The following OSBPL6 variants were observed in gnomAD, a reference collection of about 807,000 sequenced individuals.
OSBPL6 encodes the protein oxysterol binding protein like 6.
Under a neutral mutation model 125.8 loss-of-function variants are expected in OSBPL6, and 49 were observed. The ratio of observed to expected loss-of-function variants is 0.39; its 90% CI spans 0.31 to 0.49. OSBPL6 has a LOEUF of 0.49. Among genes scored for constraint, OSBPL6 ranks in the 20% least tolerant of loss-of-function variants. OSBPL6 has a pLI of 0.88. For synonymous variants in OSBPL6, 394 were observed against 391.8 expected (o/e 1.01, Z -0.07); for missense variants, 986 against 1,135.4 (o/e 0.87, Z 1.89).
intron 1 of OSBPL6, among the ~76,000 whole-genome samples, chr2:178,198,995 G>A (rs1387631820): frequency 6.6e-6 from 1 of 152,064 alleles, no homozygotes; most frequent in Admixed American, 6.5e-5. Flanking sequence ...GTATATTGTT[G>A]GTGTTTAGTG....
At chr2:178,242,670 C>T (rs1469138766) in intron 1 of OSBPL6, among the ~76,000 whole-genome samples, 1 of 152,162 alleles carries the variant, frequency 6.6e-6, no homozygotes, top group Non-Finnish European at 1.5e-5. Flanking sequence ...TCCCTTATAA[C>T]CTGCAGCTGA....
At chr2:178,334,617 C>T (rs1411983940) in intron 8 of OSBPL6, among the ~76,000 whole-genome samples, 3 of 152,144 alleles carry the variant, frequency 2.0e-5, no homozygotes, top group Non-Finnish European at 2.9e-5. Context: ...CAACCTCCTC[C>T]TCCTGAATTC....
chr2:178,251,049 G>A (rs1031067719), intron 1 of OSBPL6, among the ~76,000 whole-genome samples: 1 of 152,148 alleles, frequency 6.6e-6, no homozygotes, highest in Non-Finnish European at 1.5e-5. Context: ...CTGTCCAGAA[G>A]AGTGAGTGTG....
At chr2:178,380,621 T>C (rs1694384414) in intron 15 of OSBPL6, among the ~76,000 whole-genome samples, 2 of 152,106 alleles carry the variant, frequency 1.3e-5, no homozygotes, top group Admixed American at 6.6e-5. Context: ...AGGAGAGCAA[T>C]TTGGCAACAT....
intron 2 of OSBPL6, among the ~76,000 whole-genome samples, chr2:178,293,612 C>T (rs1036872582): frequency 2.6e-5 from 4 of 152,050 alleles, no homozygotes; most frequent in Non-Finnish European, 5.9e-5. Context: ...GTATTTATCC[C>T]TCAATCATGT....
chr2:178,208,507 C>CT (rs2089659494), intron 1 of OSBPL6, among the ~76,000 whole-genome samples: 3 of 152,110 alleles, frequency 2.0e-5, no homozygotes, highest in Non-Finnish European at 4.4e-5. Context: ...TTTCAAAATA[C>CT]TTATTTGCTT....
chr2:178,354,578 G>T (rs1375622812), intron 12 of OSBPL6, among the ~76,000 whole-genome samples: 1 of 152,046 alleles, frequency 6.6e-6, no homozygotes, highest in East Asian at 1.9e-4. Context: ...GAGCACCCAG[G>T]TTCACAAGGC....
chr2:178,292,448 G>T lies in OSBPL6; in HGVS notation c.-156+7327G>T, dbSNP rs576435983. On this transcript the variant is annotated intron_variant, in intron 2 of 24. Transcript: ENST00000190611. The stretch of plus-strand genomic sequence containing the variant: ...TCTAAACTTTGCTCTTGGAAGAAAT[G>T]ACTACAAAGATGAAGGAAAAACACA... 3.3e-5 allele frequency among the ~76,000 whole-genome samples: 5 copies of T among 152,234 alleles called. No individual in the cohort carries two copies. The South Asian group carries it at 1.0e-3, about 32-fold the overall frequency.
chr2:178,367,493 T>C (rs564906730), intron 13 of OSBPL6, among the ~76,000 whole-genome samples: 12 of 152,322 alleles, frequency 7.9e-5, no homozygotes, highest in African/African-American at 1.2e-4. Flanking sequence ...GGCTTCTATG[T>C]TTTTCTCCCA....
At chr2:178,388,872 A>G (rs1695168609) in intron 20 of OSBPL6, 137 bp from the exon 21 acceptor site, 2 of 920,544 alleles carry the variant, frequency 2.2e-6, no homozygotes, top group Non-Finnish European at 1.6e-6. Flanking sequence ...TAATGACCAC[A>G]GAGAGAATTT....
intron 1 of OSBPL6, among the ~76,000 whole-genome samples, chr2:178,258,652 C>A (rs2091961545): frequency 2.0e-5 from 3 of 152,122 alleles, no homozygotes; most frequent in Admixed American, 2.0e-4. Context: ...AATGGTTATA[C>A]CTATGTAACT....
chr2:178,202,993 C>T (rs775318585), intron 1 of OSBPL6, among the ~76,000 whole-genome samples: 3 of 152,006 alleles, frequency 2.0e-5, no homozygotes, highest in Non-Finnish European at 4.4e-5. Context: ...CAAGTTTCTG[C>T]TATTATTTCT....
intron 2 of OSBPL6, among the ~76,000 whole-genome samples, chr2:178,302,428 T>C (rs999639515): frequency 2.6e-5 from 4 of 152,202 alleles, no homozygotes; most frequent in Non-Finnish European, 2.9e-5. Context: ...GTTATAGCAG[T>C]TCCTACACTC....
chr2:178,339,077 A>G lies in OSBPL6; in HGVS notation c.877A>G (p.Asn293Asp). 6.2e-7 allele frequency: 1 copy of G among 1,605,828 alleles called. No homozygotes were observed. The highest frequency in any genetic ancestry group is 1.7e-4 in the Middle Eastern group (1 of 6,036). ...EILQRTQSAP[N>D]FTDMQANCVD... ...ACTTCAGAGAACTCAGTCGGCACCT[A>G]ACTTTACTGACATGCAGGTAAACAT... Residue 293 changes from asparagine to aspartate, a missense_variant, in exon 10 of 25, where the codon AAC (asparagine) becomes GAC (aspartate). Coordinates refer to ENST00000190611, the MANE Select transcript of OSBPL6 (RefSeq NM_032523.4).
At chr2:178,313,021 G>A (rs1210016135) in intron 3 of OSBPL6, among the ~76,000 whole-genome samples, 1 of 151,868 alleles carries the variant, frequency 6.6e-6, no homozygotes, top group Non-Finnish European at 1.5e-5. Context: ...TCAGCCTCCT[G>A]AGTAACTGGG....
At chr2:178,325,869 T>C (rs1688656443) in intron 4 of OSBPL6, among the ~76,000 whole-genome samples, 1 of 152,188 alleles carries the variant, frequency 6.6e-6, no homozygotes, top group Non-Finnish European at 1.5e-5. Flanking sequence ...TGGCTTGATA[T>C]AAAGGAATCT....
At chr2:178,256,621 A>C (rs1366366502) in intron 1 of OSBPL6, among the ~76,000 whole-genome samples, 2 of 152,230 alleles carry the variant, frequency 1.3e-5, no homozygotes, top group East Asian at 3.8e-4. Context: ...GGCAGAGCTG[A>C]AATGAATGGC....
At chr2:178,227,468 C>T (rs334037) in intron 1 of OSBPL6, among the ~76,000 whole-genome samples, 90,487 of 152,060 alleles carry the variant, frequency 0.6, 29,656 homozygotes, top group African/African-American at 0.89. Context: ...TAAAATAAAT[C>T]CTGGCACATG....
chr2:178,268,588 T>C (rs577589270), intron 1 of OSBPL6, among the ~76,000 whole-genome samples: 1 of 152,296 alleles, frequency 6.6e-6, no homozygotes, highest in Admixed American at 6.5e-5. Context: ...CACCACACAT[T>C]AGTGCAGCCT....
Sources: gnomAD v4.1 joint callset for allele counts (sites outside exome capture counted in the v4.1 genomes callset) on GRCh38, gnomAD v4.1.1 for gene constraint, MANE v1.5 for transcripts, NCBI Gene and HGNC (gene_info 2026-07-23, HGNC 2026-07-21) for gene names.